Variants in SLC9A9 observed in about 807,000 individuals in gnomAD.
SLC9A9 encodes solute carrier family 9 member A9, also known as sodium/hydrogen exchanger 9.
A neutral mutation model predicts 77.8 loss-of-function variants in SLC9A9; 62 were observed. That is an observed-to-expected ratio of 0.80 (90% CI 0.65 to 0.98). The LOEUF is 0.98. SLC9A9 is among the 50% of genes least tolerant of loss of function. SLC9A9 has a pLI of 0.00. For synonymous variants in SLC9A9, 320 were observed against 283.5 expected (o/e 1.13, Z -1.29); for missense variants, 775 against 774.9 (o/e 1.00, Z 0.00).
chr3:143,426,264 G>C (rs1215162113), intron 12 of SLC9A9, among the ~76,000 whole-genome samples: 1 of 152,126 alleles, frequency 6.6e-6, no homozygotes, highest in Admixed American at 6.5e-5. Flanking sequence ...CTGTTTACTG[G>C]CTCTTATTGG....
intron 6 of SLC9A9, chr3:143,626,710 T>C (rs1191826868): frequency 1.3e-5 from 2 of 152,054 alleles, no homozygotes; most frequent in Non-Finnish European, 2.9e-5. Context: ...GGCACATGTA[T>C]ACATATGTAA....
At chr3:143,541,937 C>T (rs72999726) in intron 9 of SLC9A9, among the ~76,000 whole-genome samples, 1 of 152,186 alleles carries the variant, frequency 6.6e-6, no homozygotes, top group South Asian at 2.1e-4. Context: ...GGATGTCTTA[C>T]TTATCTTTAT....
intron 12 of SLC9A9, among the ~76,000 whole-genome samples, chr3:143,398,831 T>A (rs950881567): frequency 1.2e-4 from 18 of 152,202 alleles, no homozygotes; most frequent in African/African-American, 4.1e-4. Flanking sequence ...TTGCCAAAAC[T>A]ATTGTTTAAG....
At chr3:143,836,127 C>T (rs535633268) in intron 1 of SLC9A9, among the ~76,000 whole-genome samples, 9 of 152,282 alleles carry the variant, frequency 5.9e-5, no homozygotes, top group African/African-American at 1.9e-4. Context: ...CTAAAATGTC[C>T]CTCTTAAGTC....
At chr3:143,463,756 T>C (rs1206597431) in intron 12 of SLC9A9, among the ~76,000 whole-genome samples, 1 of 152,170 alleles carries the variant, frequency 6.6e-6, no homozygotes, top group Admixed American at 6.5e-5. Flanking sequence ...ATGATTATTT[T>C]TAAAAAGAAA....
At chr3:143,489,665 TAGAC>T (rs2035707126) in intron 11 of SLC9A9, among the ~76,000 whole-genome samples, 1 of 151,818 alleles carries the variant, frequency 6.6e-6, no homozygotes, top group Admixed American at 6.6e-5. Context: ...AAAGAAAAAA[TAGAC>T]AAATTAAATT....
At chr3:143,627,801 A>G (rs1230723830) in intron 6 of SLC9A9, 1 of 152,246 alleles carries the variant, frequency 6.6e-6, no homozygotes, top group Non-Finnish European at 1.5e-5. Flanking sequence ...TGAATTCCCT[A>G]TGAATGGATT....
intron 12 of SLC9A9, among the ~76,000 whole-genome samples, chr3:143,395,635 C>T (rs185099061): frequency 7.9e-5 from 12 of 152,200 alleles, no homozygotes; most frequent in East Asian, 5.8e-4. Flanking sequence ...GCACAGCAAA[C>T]GAAATTACCA....
At chr3:143,364,627 C>T (rs574540777) in intron 13 of SLC9A9, among the ~76,000 whole-genome samples, 33 of 152,242 alleles carry the variant, frequency 2.2e-4, no homozygotes, top group African/African-American at 7.9e-4. Context: ...AATAGCTGGA[C>T]ACAAAAGGCT....
At chr3:143,422,344 A>C (rs2034314995) in intron 12 of SLC9A9, among the ~76,000 whole-genome samples, 1 of 152,346 alleles carries the variant, frequency 6.6e-6, no homozygotes, top group East Asian at 1.9e-4. Flanking sequence ...ACATGGAATC[A>C]ACCCAGGTGC....
At chr3:143,381,163 G>A (rs757906818) in intron 13 of SLC9A9, among the ~76,000 whole-genome samples, 3 of 152,170 alleles carry the variant, frequency 2.0e-5, no homozygotes, top group Non-Finnish European at 2.9e-5. Context: ...CCCTACTTGA[G>A]GTGATATGGT....
intron 14 of SLC9A9, among the ~76,000 whole-genome samples, chr3:143,360,202 T>C (rs1436795701): frequency 1.3e-5 from 2 of 152,168 alleles, no homozygotes; most frequent in Non-Finnish European, 2.9e-5. Flanking sequence ...GGAATTTGTT[T>C]CCTCCACATC....
At chr3:143,508,110 C>A (rs1338770191) in intron 9 of SLC9A9, among the ~76,000 whole-genome samples, 1 of 152,118 alleles carries the variant, frequency 6.6e-6, no homozygotes, top group Non-Finnish European at 1.5e-5. Flanking sequence ...GGTGTCTGAA[C>A]TGAATACCAA....
intron 2 of SLC9A9, among the ~76,000 whole-genome samples, chr3:143,829,969 G>T (rs572228009): frequency 6.6e-6 from 1 of 152,292 alleles, no homozygotes; most frequent in South Asian, 2.1e-4. Flanking sequence ...AAAGAAGGGG[G>T]ATGGAAGATC....
intron 14 of SLC9A9, among the ~76,000 whole-genome samples, chr3:143,360,413 G>A (rs764544578): frequency 1.3e-5 from 2 of 152,070 alleles, no homozygotes; most frequent in Non-Finnish European, 2.9e-5. Context: ...ATCAGTTTTG[G>A]CATCATAGGC....
chr3:143,344,898 C>T (rs2032215130), intron 14 of SLC9A9, among the ~76,000 whole-genome samples: 1 of 152,036 alleles, frequency 6.6e-6, no homozygotes, highest in African/African-American at 2.4e-5. Flanking sequence ...AAACTTTCAA[C>T]CAAATAATAA....
chr3:143,314,750 C>T (rs2031144673), intron 14 of SLC9A9, among the ~76,000 whole-genome samples: 1 of 152,182 alleles, frequency 6.6e-6, no homozygotes, highest in Non-Finnish European at 1.5e-5. Flanking sequence ...TTTTAACTGG[C>T]CCCAGGCAAA....
chr3:143,268,383 A>G, intron 15 of SLC9A9, among the ~76,000 whole-genome samples: 1 of 152,206 alleles, frequency 6.6e-6, no homozygotes, highest in Admixed American at 6.5e-5. Flanking sequence ...GAATAAGCCA[A>G]CATCAGCAAC....
intron 6 of SLC9A9, among the ~76,000 whole-genome samples, chr3:143,641,713 T>C (rs1463589780): frequency 1.3e-5 from 2 of 152,162 alleles, no homozygotes; most frequent in Non-Finnish European, 2.9e-5. Context: ...GTCTTTTGCA[T>C]CATTTTGAGA....
Sources: allele counts gnomAD v4.1 joint callset (sites outside exome capture counted in the v4.1 genomes callset), GRCh38; gene constraint gnomAD v4.1.1; transcripts MANE v1.5; gene names NCBI Gene and HGNC (gene_info 2026-07-23, HGNC 2026-07-21).